The following FAAP100 variants were observed in gnomAD, a reference collection of about 807,000 sequenced individuals.
The protein encoded by FAAP100 is FA core complex associated protein 100.
FAAP100 carries 46 observed loss-of-function variants against 65.8 expected under a neutral mutation model. The ratio of observed to expected loss-of-function variants is 0.70; its 90% CI spans 0.55 to 0.89. FAAP100 has a LOEUF of 0.89. Ranked by LOEUF, FAAP100 falls within the 40% of genes least tolerant of loss-of-function variation. The pLI is 0.00. For synonymous variants in FAAP100, 663 were observed against 555.1 expected (o/e 1.19, Z -2.73); for missense variants, 1,165 against 1,196.7 (o/e 0.97, Z 0.39).
intron 5 of FAAP100, chr17:81,546,674 G>A: frequency 2.5e-6 from 1 of 403,712 alleles, no homozygotes. Flanking sequence ...GCAGCTGGGA[G>A]AGGGAGGAAC....
intron 7 of FAAP100, 147 bp from the exon 8 acceptor site, chr17:81,541,542 C>T: frequency 1.4e-6 from 1 of 707,128 alleles, no homozygotes; most frequent in Non-Finnish European, 2.5e-6. Context: ...TGCTGTTTTC[C>T]ACCTTGCTGT....
rs12675 is a variant in FAAP100, at chr17:81,540,246, G to A, written c.*573C>T. The A allele has an allele frequency of 0.13, 51,944 of 398,932 alleles. 3,914 individuals carry two copies. The highest frequency in any genetic ancestry group is 0.24 in the African/African-American group (11,721 of 48,680). The allele number at this position is 398,932 out of a possible 1,614,324, so 24.7% of individuals were successfully genotyped here. On this transcript the variant is annotated 3_prime_UTR_variant, in exon 9 of 9. Transcript: ENST00000327787. ...CACTTGCAGGAGCTCCCTGCATGCT[G>A]TTTTGTGCTTTGGTCTCAGGGAGCA...
Position 81,540,748 on chromosome 17 carries a change from A to C in FAAP100, c.*71T>G. On this transcript the variant is annotated 3_prime_UTR_variant, in exon 9 of 9. Transcript: ENST00000327787. ...GCCAGGCCAGCTCGGTTTCCCTCTA[A>C]CCCATGAGGCCTGGGGGGGCTGTGA... 1 of 1,432,254 alleles carries C rather than the reference A, an allele frequency of 7.0e-7. No individual in the cohort carries two copies. 88.7% of individuals were successfully genotyped at this position (1,432,254 alleles called of 1,614,324 possible). A position where few individuals can be genotyped will look rare whatever the true frequency, so the allele number is the denominator to read the frequency against.
At position 81,551,853 on chromosome 17, in the gene FAAP100, G is replaced by C. The variant is rs569843121; in HGVS notation, c.290+75C>G. The C allele has an allele frequency of 1.7e-3, 2,510 of 1,435,788 alleles. 4 individuals are homozygous for C. The highest frequency in any genetic ancestry group is 0.013 in the Middle Eastern group (57 of 4,478). The allele number at this position is 1,435,788 out of a possible 1,614,324, so 88.9% of individuals were successfully genotyped here. A position where few individuals can be genotyped will look rare whatever the true frequency, so the allele number is the denominator to read the frequency against. The stretch of plus-strand genomic sequence containing the variant: ...CAGCCCGGGTCCCCAAGCGCGATGA[G>C]GTGGGGCTGCTCGCTCTGAAGCAGT... On this transcript the variant is annotated intron_variant, in intron 2 of 8. Transcript: ENST00000327787.
At chr17:81,552,076 G>A in intron 1 of FAAP100, 24 bp from the exon 2 acceptor site, 3 of 1,468,078 alleles carry the variant, frequency 2.0e-6, no homozygotes, top group East Asian at 2.9e-5. Flanking sequence ...CGCGGGTCAG[G>A]CCGACGCGAC....
In FAAP100 at chr17:81,550,373, C is replaced by A; in HGVS notation, c.1121G>T (p.Gly374Val). The change falls in exon 3 of 9, where the codon GGA becomes GTA. Residue 374 changes from glycine (G) to valine (V), a missense_variant. Gly to Val is a moderately radical substitution (Grantham distance 109). Coordinates refer to ENST00000327787, the MANE Select transcript of FAAP100 (RefSeq NM_025161.6). ...SDLCVVDLSRGSTPLGPEQPE... is the reference protein window; with the variant it reads ...SDLCVVDLSRVSTPLGPEQPE... ...CTGCTCAGGGCCCAGCGGGGTGCTTCCCCGAGACAGATCCACCACACAGAG... is the reference window on the plus strand; with the variant it reads ...CTGCTCAGGGCCCAGCGGGGTGCTTACCCGAGACAGATCCACCACACAGAG... The A allele has an allele frequency of 6.2e-7, 1 of 1,612,844 alleles. No individual in the cohort carries two copies. The highest frequency in any genetic ancestry group is 8.5e-7 in the Non-Finnish European group (1 of 1,180,008).
chr17:81,551,974 G>C lies in FAAP100; in HGVS notation c.244C>G (p.Arg82Gly), dbSNP rs760075135. Residue 82 changes from arginine to glycine, a missense_variant, in exon 2 of 9, where the codon CGG (arginine) becomes GGG (glycine). Coordinates refer to ENST00000327787, the MANE Select transcript of FAAP100 (RefSeq NM_025161.6). ...AGCGACAGGCAGTAGAGGCCCCTCC[G>C]GGCGCACAGCGCGTACAGCAACCTG... ...PRRLLYALCARRGLYCLSLDH... is the reference protein window; with the variant it reads ...PRRLLYALCAGRGLYCLSLDH... 1.2e-5 allele frequency: 19 copies of C among 1,564,920 alleles called. No homozygotes were observed. The East Asian group carries it at 2.2e-4, about 18-fold the overall frequency.
rs1308915728 is a variant in FAAP100, at chr17:81,544,061, T to C, written c.2370A>G (p.Glu790=). 7 of 1,612,662 alleles carry C rather than the reference T, an allele frequency of 4.3e-6. No individual in the cohort carries two copies. The highest frequency in any genetic ancestry group is 5.9e-6 in the Non-Finnish European group (7 of 1,179,832). The change falls in exon 7 of 9, where the codon GAA becomes GAG. Residue 790 remains glutamate (E), a synonymous_variant. Transcript: ENST00000327787. The part of the protein sequence containing the change: ...GPIQAVEIQV[E]SSSLADICRA... Reference sequence around the variant, plus strand: ...TGCAAATGTCGGCCAGAGAGGAGCTTTCCACTTGAATCTCCACGGCCTGGA... The same window carrying C: ...TGCAAATGTCGGCCAGAGAGGAGCTCTCCACTTGAATCTCCACGGCCTGGA...
chr17:81,551,173 C>G lies in FAAP100; in HGVS notation c.321G>C (p.Glu107Asp). 2.6e-6 allele frequency: 4 copies of G among 1,533,786 alleles called. No homozygotes were observed. The highest frequency in any genetic ancestry group is 3.5e-6 in the Non-Finnish European group (4 of 1,135,128). ...TCACGGGGGAAGGCTGGTCACCGTC[C>G]TCGCTGTCCCTGTCATCCTGGCTCG... ...RSTSQDDRDSEDGDQPSPVIP... is the reference protein window; with the variant it reads ...RSTSQDDRDSDDGDQPSPVIP... The change falls in exon 3 of 9, where the codon GAG becomes GAC. Residue 107 changes from glutamate (E) to aspartate (D), a missense_variant. Physicochemically the swap from Glu to Asp is conservative, Grantham distance 45. Coordinates refer to ENST00000327787, the MANE Select transcript of FAAP100 (RefSeq NM_025161.6).
Position 81,547,687 on chromosome 17 carries a change from G to A in FAAP100, c.1404-9C>T. The A allele has an allele frequency of 6.2e-7, 1 of 1,608,114 alleles. No individual in the cohort carries two copies. Among genetic ancestry groups the A allele is most frequent in the Non-Finnish European group, 8.5e-7 (1 of 1,177,366 alleles). On this transcript the variant is annotated splice_polypyrimidine_tract_variant and intron_variant, in intron 4 of 8. Coordinates refer to ENST00000327787, the MANE Select transcript of FAAP100 (RefSeq NM_025161.6). ...TCTTTAGAAAAGACACTCTGCGAAG[G>A]ACAGACATGACCCCCGGGAGCGGGG...
intron 6 of FAAP100, 28 bp from the exon 7 acceptor site, chr17:81,544,148 T>C: frequency 6.4e-7 from 1 of 1,561,742 alleles, no homozygotes; most frequent in Non-Finnish European, 8.8e-7. Context: ...CCTCACTGCC[T>C]GCCTGTGGCA....
chr17:81,551,169 C>A lies in FAAP100; in HGVS notation c.325G>T (p.Gly109Cys). ...TSQDDRDSED[G>C]DQPSPVIPVD... ...GGGATCACGGGGGAAGGCTGGTCAC[C>A]GTCCTCGCTGTCCCTGTCATCCTGG... Residue 109 changes from glycine (G) to cysteine (C), a missense_variant, in exon 3 of 9, where the codon GGT (glycine) becomes TGT (cysteine). Physicochemically the swap from Gly to Cys is radical, Grantham distance 159. Transcript: ENST00000327787. The A allele has an allele frequency of 1.3e-6, 2 of 1,537,758 alleles. No homozygotes were observed. Among genetic ancestry groups the A allele is most frequent in the Non-Finnish European group, 1.8e-6 (2 of 1,138,016 alleles).
At chr17:81,545,709 C>T in intron 6 of FAAP100, 37 bp downstream of exon 6, 1 of 1,588,406 alleles carries the variant, frequency 6.3e-7, no homozygotes, top group Non-Finnish European at 8.6e-7. Context: ...CCAAGAACTG[C>T]TGGTGCCGTG....
Position 81,546,233 on chromosome 17 carries a change from C to T in FAAP100, c.2174-351G>A, listed in dbSNP as rs374861801. ...GCAGAAACACCCCAGGGGATGGCTG[C>T]GGCTGCCCTCTCTGCACAAGCCCAA... On this transcript the variant is annotated intron_variant, in intron 5 of 8. Transcript: ENST00000327787. Among the ~76,000 whole-genome samples the T allele has an allele frequency of 4.3e-4, 65 of 152,348 alleles. 1 individual carries two copies. The East Asian group carries it at 0.01, about 24-fold the overall frequency.
rs772742581 is a variant in FAAP100 at position 81,547,362 on chromosome 17, G to A, written c.1720C>T (p.Pro574Ser). 6.2e-7 allele frequency: 1 copy of A among 1,612,852 alleles called. No individual in the cohort carries two copies. The highest frequency in any genetic ancestry group is 2.2e-5 in the East Asian group (1 of 44,890). ...TYTIPVDQLG[P>S]GARREVTLPL... ...AGCGTCACCTCCCGCCGAGCACCGG[G>A]GCCGAGCTGGTCCACGGGGATGGTG... The change falls in exon 5 of 9, where the codon CCC becomes TCC. Residue 574 changes from proline to serine, a missense_variant. Coordinates refer to ENST00000327787, the MANE Select transcript of FAAP100 (RefSeq NM_025161.6).
Position 81,542,554 on chromosome 17 carries a change from C to T in FAAP100, c.2428-1159G>A, listed in dbSNP as rs185360483. Among the ~76,000 whole-genome samples, 839 of 152,218 alleles carry T rather than the reference C, an allele frequency of 5.5e-3. 8 individuals carry two copies. Among genetic ancestry groups the T allele is most frequent in the Middle Eastern group, 0.02 (6 of 294 alleles). On this transcript the variant is annotated intron_variant, in intron 7 of 8. Transcript: ENST00000327787. Reference sequence around the variant, plus strand: ...TGTGTGCTGGGCAGGGTCCTGATCACTCCTGTTCCTGGGGCGGGCACCTAG... The same window carrying T: ...TGTGTGCTGGGCAGGGTCCTGATCATTCCTGTTCCTGGGGCGGGCACCTAG...
At chr17:81,544,491 T>TG (rs767576997) in intron 6 of FAAP100, among the ~76,000 whole-genome samples, 3 of 152,082 alleles carry the variant, frequency 2.0e-5, no homozygotes, top group Admixed American at 6.5e-5. Context: ...GCCACGCCCT[T>TG]GGGGGGCCCA....
chr17:81,547,696 GA>G lies in FAAP100; in HGVS notation c.1404-19del. ...AAGACACTCTGCGAAGGACAGACAT[GA>G]CCCCCGGGAGCGGGGGGACACCCAC... is the stretch of plus-strand genomic sequence containing the variant. On this transcript the variant is annotated intron_variant, in intron 4 of 8. Coordinates refer to ENST00000327787, the MANE Select transcript of FAAP100 (RefSeq NM_025161.6). The G allele has an allele frequency of 6.2e-7, 1 of 1,606,210 alleles. No individual in the cohort carries two copies. The highest frequency in any genetic ancestry group is 2.2e-5 in the East Asian group (1 of 44,762).
At position 81,550,238 on chromosome 17, in the gene FAAP100, C is replaced by T. The variant is rs751902498; in HGVS notation, c.1246+10G>A. ...GGCTCCCATCTTTCATTTTAGACAG[C>T]AGCTCATACCTTCATGCGTCCTGGG... is the stretch of plus-strand genomic sequence containing the variant. On this transcript the variant is annotated intron_variant, in intron 3 of 8. Transcript: ENST00000327787. 2 of 1,573,532 alleles carry T rather than the reference C, an allele frequency of 1.3e-6. No homozygotes were observed. Among genetic ancestry groups the T allele is most frequent in the Admixed American group, 1.8e-5 (1 of 54,406 alleles).
Sources: allele counts gnomAD v4.1 joint callset (sites outside exome capture counted in the v4.1 genomes callset), GRCh38; gene constraint gnomAD v4.1.1; transcripts MANE v1.5; gene names NCBI Gene and HGNC (gene_info 2026-07-23, HGNC 2026-07-21).